DENND1B: variants seen among roughly 807,000 people sequenced by gnomAD.
DENND1B encodes DENN domain containing 1B, also known as DENN domain-containing protein 1B.
Under a neutral mutation model 90.1 loss-of-function variants are expected in DENND1B, and 59 were observed. The observed-to-expected ratio is 0.65, with a 90% confidence interval of 0.53 to 0.81. The LOEUF (loss-of-function observed/expected upper bound fraction) is 0.81. DENND1B is among the 40% of genes least tolerant of loss of function. The probability of loss-of-function intolerance (pLI) is 0.00; values close to 1 mark genes in which losing one functional copy is unlikely to be tolerated. For synonymous variants in DENND1B, 337 were observed against 324.6 expected, an observed-to-expected ratio of 1.04 and a Z score of -0.41; for missense variants, 862 against 912.6, an observed-to-expected ratio of 0.94 and a Z score of 0.71.
At chr1:197,705,438 C>T (rs1191286765) in intron 3 of DENND1B, among the ~76,000 whole-genome samples, 1 of 152,080 alleles carries the variant, frequency 6.6e-6, no homozygotes, top group Non-Finnish European at 1.5e-5. Flanking sequence ...CATGGTTAAG[C>T]GCTTCTGTAT....
intron 10 of DENND1B, among the ~76,000 whole-genome samples, chr1:197,637,628 T>C (rs1223883743): frequency 1.3e-5 from 2 of 152,180 alleles, no homozygotes; most frequent in Non-Finnish European, 2.9e-5. Flanking sequence ...CATATTCACT[T>C]AGCACTGACT....
At chr1:197,633,839 A>G (rs888461535) in intron 10 of DENND1B, among the ~76,000 whole-genome samples, 4 of 152,094 alleles carry the variant, frequency 2.6e-5, no homozygotes, top group South Asian at 2.1e-4. Context: ...TTAGTTTTTT[A>G]AGGGAGTTTC....
intron 3 of DENND1B, among the ~76,000 whole-genome samples, chr1:197,687,566 C>A (rs1657381244): frequency 6.6e-6 from 1 of 152,162 alleles, no homozygotes; most frequent in Non-Finnish European, 1.5e-5. Context: ...TCTTCACTTT[C>A]TTCAAGATCT....
chr1:197,730,346 C>G (rs1041586049), intron 2 of DENND1B, among the ~76,000 whole-genome samples: 1 of 152,006 alleles, frequency 6.6e-6, no homozygotes, highest in Non-Finnish European at 1.5e-5. Context: ...AAAATAGATC[C>G]CATTCCCCTT....
Position 197,645,719 on chromosome 1 carries a change from C to A in DENND1B, c.532G>T (p.Val178Leu). 1 of 1,573,108 alleles carries A rather than the reference C, an allele frequency of 6.4e-7. No homozygotes were observed. Among genetic ancestry groups the A allele is most frequent in the Non-Finnish European group, 8.6e-7 (1 of 1,159,850 alleles). Residue 178 changes from valine (V) to leucine (L), a missense_variant, in exon 9 of 23, where the codon GTA becomes TTA. Coordinates refer to ENST00000620048, the MANE Select transcript of DENND1B (RefSeq NM_001195215.2). ...TCGGGTATTGTTGGGAGTCCAGTTACATCAGGGGCAATGAAGTAGGAATGC... is the reference window on the plus strand; with the variant it reads ...TCGGGTATTGTTGGGAGTCCAGTTAAATCAGGGGCAATGAAGTAGGAATGC... ...VPHSYFIAPD[V>L]TGLPTIPESR...
intron 2 of DENND1B, among the ~76,000 whole-genome samples, chr1:197,719,474 A>T (rs1193835997): frequency 1.3e-5 from 2 of 152,186 alleles, no homozygotes; most frequent in African/African-American, 2.4e-5. Flanking sequence ...GTAAATCTGT[A>T]GTGCAAAAAT....
At chr1:197,621,284 A>T (rs909664128) in intron 10 of DENND1B, among the ~76,000 whole-genome samples, 7 of 151,112 alleles carry the variant, frequency 4.6e-5, no homozygotes, top group Admixed American at 2.0e-4. Context: ...AGAATATACA[A>T]ATTAAAGAAA....
chr1:197,554,100 TACACACACACAC>T (rs4026509), intron 15 of DENND1B, among the ~76,000 whole-genome samples: 17,092 of 140,022 alleles, frequency 0.12, 1,158 homozygotes, highest in Non-Finnish European at 0.16. Flanking sequence ...TCAATGATTA[TACACACACACAC>T]ACACACACAC....
At chr1:197,693,529 G>A (rs1211359036) in intron 3 of DENND1B, among the ~76,000 whole-genome samples, 1 of 151,276 alleles carries the variant, frequency 6.6e-6, no homozygotes, top group Admixed American at 6.6e-5. Flanking sequence ...AATATGTAAA[G>A]GTCTATTAAA....
At chr1:197,733,546 C>T (rs1371397881) in intron 2 of DENND1B, among the ~76,000 whole-genome samples, 2 of 152,172 alleles carry the variant, frequency 1.3e-5, no homozygotes, top group African/African-American at 2.4e-5. Context: ...CTCTTCTCTT[C>T]GAGAACAAAA....
intron 3 of DENND1B, among the ~76,000 whole-genome samples, chr1:197,678,909 A>T (rs1394642598): frequency 6.6e-6 from 1 of 152,128 alleles, no homozygotes; most frequent in Non-Finnish European, 1.5e-5. Context: ...AACTATGCCC[A>T]GTGTGGAATT....
intron 2 of DENND1B, chr1:197,734,029 T>C (rs1662398890): frequency 1.2e-6 from 1 of 864,662 alleles, no homozygotes; most frequent in Non-Finnish European, 1.4e-6. Flanking sequence ...TTATATTTTA[T>C]TTGCAGTATT....
At chr1:197,743,864 C>A (rs1262421566) in intron 2 of DENND1B, among the ~76,000 whole-genome samples, 6 of 152,140 alleles carry the variant, frequency 3.9e-5, no homozygotes, top group Non-Finnish European at 1.5e-5. Context: ...CCTGCTTTAT[C>A]ATCTAAGTTT....
intron 2 of DENND1B, among the ~76,000 whole-genome samples, chr1:197,761,609 C>T (rs1031709048): frequency 1.3e-5 from 2 of 152,040 alleles, no homozygotes; most frequent in African/African-American, 4.8e-5. Flanking sequence ...TAACTACCCA[C>T]GTGATAAAAT....
chr1:197,665,741 A>G lies in DENND1B; in HGVS notation c.296+6296T>C, dbSNP rs188767661. ...ACAAAAGCTCAAGAGACATTCATAA[A>G]TATTTTTCTTTTACAATTTTTGGAT... On this transcript the variant is annotated intron_variant, in intron 5 of 22. Transcript: ENST00000620048. Among the ~76,000 whole-genome samples the G allele has an allele frequency of 3.6e-3, 551 of 152,280 alleles. 1 individual carries two copies. Among genetic ancestry groups the G allele is most frequent in the Middle Eastern group, 6.8e-3 (2 of 294 alleles).
chr1:197,674,799 G>T (rs1223367808), intron 3 of DENND1B, among the ~76,000 whole-genome samples: 1 of 151,934 alleles, frequency 6.6e-6, no homozygotes, highest in African/African-American at 2.4e-5. Context: ...CAAAAATACA[G>T]CTTCTATTCT....
intron 1 of DENND1B, among the ~76,000 whole-genome samples, chr1:197,774,212 T>A (rs1159042294): frequency 6.6e-6 from 1 of 152,090 alleles, no homozygotes; most frequent in African/African-American, 2.4e-5. Flanking sequence ...TATTACATAA[T>A]TTCCCTCTTT....
intron 15 of DENND1B, among the ~76,000 whole-genome samples, chr1:197,580,230 T>C (rs1454192844): frequency 6.7e-6 from 1 of 149,632 alleles, no homozygotes; most frequent in African/African-American, 2.5e-5. Flanking sequence ...TAGCTGGGAT[T>C]ACATGCACCT....
upstream of DENND1B, among the ~76,000 whole-genome samples, chr1:197,777,819 A>AT (rs1041746562): frequency 3.3e-5 from 5 of 152,172 alleles, no homozygotes; most frequent in South Asian, 2.1e-4. Context: ...AATTTAGTTA[A>AT]TTTTTTAAAT....
Sources: gnomAD v4.1 joint callset for allele counts (sites outside exome capture counted in the v4.1 genomes callset) on GRCh38, gnomAD v4.1.1 for gene constraint, MANE v1.5 for transcripts, NCBI Gene and HGNC (gene_info 2026-07-23, HGNC 2026-07-21) for gene names.